The following RTN4 variants were observed in gnomAD, a reference collection of about 807,000 sequenced individuals.
The protein encoded by RTN4 is reticulon-4.
A neutral mutation model predicts 90.4 loss-of-function variants in RTN4; 32 were observed. The ratio of observed to expected loss-of-function variants is 0.35; its 90% CI spans 0.27 to 0.48. The LOEUF (loss-of-function observed/expected upper bound fraction) is 0.48. RTN4 is among the 20% of genes least tolerant of loss of function. The pLI is 0.99. For missense variants in RTN4, 1,706 were observed against 1,430.2 expected (o/e 1.19, Z -3.11); for synonymous variants, 629 against 552.5 (o/e 1.14, Z -1.94).
intron 1 of RTN4, among the ~76,000 whole-genome samples, chr2:55,090,618 T>C (rs1668919385): frequency 6.6e-6 from 1 of 152,162 alleles, no homozygotes. Flanking sequence ...GAGAATTCCA[T>C]GAAATATGGA....
At chr2:55,112,134 G>A (rs1184011868) in intron 1 of RTN4, among the ~76,000 whole-genome samples, 1 of 152,208 alleles carries the variant, frequency 6.6e-6, no homozygotes, top group African/African-American at 2.4e-5. Context: ...CCCTGTGGGG[G>A]AGCGTGTTCA....
At chr2:54,985,862 T>C (rs556504695) in intron 4 of RTN4, among the ~76,000 whole-genome samples, 3 of 152,252 alleles carry the variant, frequency 2.0e-5, no homozygotes, top group Non-Finnish European at 4.4e-5. Context: ...TTTCCTTTGT[T>C]TCCCCTACTT....
chr2:55,049,909 G>A lies in RTN4; in HGVS notation c.392C>T (p.Ser131Phe), dbSNP rs1306275148. The A allele has an allele frequency of 2.3e-6, 3 of 1,332,252 alleles. No individual in the cohort carries two copies. In the East Asian group the frequency reaches 9.3e-5, roughly 41 times the overall value. The allele number at this position is 1,332,252 out of a possible 1,614,324, so 82.5% of individuals were successfully genotyped here. A position where few individuals can be genotyped will look rare whatever the true frequency, so the allele number is the denominator to read the frequency against. ...AGGCTCGTCGTCCTCAGGGAGCTTG[G>A]AGGGCGAGACTGCGGCAGCAGACAG... ...SPLSAAAVSP[S>F]KLPEDDEPPA... Residue 131 changes from serine to phenylalanine, a missense_variant, in exon 1 of 9, where the codon TCC (serine) becomes TTC (phenylalanine). Transcript: ENST00000337526.
the RTN4 span, among the ~76,000 whole-genome samples, chr2:55,129,315 T>C: frequency 1.6e-3 from 249 of 152,204 alleles, no homozygotes; most frequent in African/African-American, 5.8e-3. Context: ...GACTCACACC[T>C]GTAATCCCAG....
chr2:55,091,792 T>G (rs1403343480), intron 1 of RTN4, among the ~76,000 whole-genome samples: 2 of 152,112 alleles, frequency 1.3e-5, no homozygotes. Context: ...TGGGGAGGCC[T>G]CAGAATCATG....
chr2:54,975,656 C>T (rs1381422706), intron 5 of RTN4, among the ~76,000 whole-genome samples: 1 of 152,232 alleles, frequency 6.6e-6, no homozygotes, highest in Non-Finnish European at 1.5e-5. Context: ...CCCAAACAAG[C>T]AGTGGTTTGC....
the RTN4 span, among the ~76,000 whole-genome samples, chr2:55,131,488 GTGAGCTACTGCAC>G: frequency 1.4e-4 from 22 of 152,254 alleles, no homozygotes; most frequent in Non-Finnish European, 2.9e-4. Flanking sequence ...GATTACAGAC[GTGAGCTACTGCAC>G]CCAGCCTAAA....
chr2:55,117,123 C>T (rs1375317676), upstream of RTN4, among the ~76,000 whole-genome samples: 1 of 152,194 alleles, frequency 6.6e-6, no homozygotes, highest in Non-Finnish European at 1.5e-5. Context: ...ATCCACCTGC[C>T]TTGGCCTCCC....
Position 55,019,219 on chromosome 2 carries a change from C to G in RTN4, c.3013+5867G>C, listed in dbSNP as rs568714380. ...CATTAATGGAAATGGAGGTCTGCTG[C>G]TTAAACAGGAATGCTGAGGGTCAAA... On this transcript the variant is annotated intron_variant, in intron 3 of 8. Transcript: ENST00000337526. Among the ~76,000 whole-genome samples the G allele has an allele frequency of 2.0e-4, 30 of 152,242 alleles. No homozygotes were observed. In the South Asian group the frequency reaches 2.7e-3, roughly 14 times the overall value.
intron 5 of RTN4, among the ~76,000 whole-genome samples, chr2:54,980,710 T>C (rs190167149): frequency 2.2e-4 from 33 of 152,328 alleles, no homozygotes; most frequent in Non-Finnish European, 2.4e-4. Flanking sequence ...CTTTGACTAC[T>C]AAATTCAGAG....
intron 1 of RTN4, among the ~76,000 whole-genome samples, chr2:55,110,310 CAAA>C (rs11289091): frequency 3.8e-4 from 37 of 96,196 alleles, no homozygotes; most frequent in Non-Finnish European, 3.2e-4. Context: ...GACCCTGTCT[CAAA>C]AAAAAAAAAA....
chr2:55,093,477 G>T (rs536361813), intron 1 of RTN4, among the ~76,000 whole-genome samples: 3 of 151,462 alleles, frequency 2.0e-5, no homozygotes, highest in Non-Finnish European at 2.9e-5. Context: ...CTCCTGTTAC[G>T]CCAGAAAGGT....
intron 2 of RTN4, among the ~76,000 whole-genome samples, chr2:55,071,775 G>A (rs1573497966): frequency 1.3e-5 from 2 of 152,106 alleles, no homozygotes; most frequent in Admixed American, 1.3e-4. Context: ...TCTTTTTAGA[G>A]ATTCTATGGA....
chr2:55,053,059 G>A (rs1668125468), upstream of RTN4, among the ~76,000 whole-genome samples: 1 of 152,154 alleles, frequency 6.6e-6, no homozygotes, highest in Non-Finnish European at 1.5e-5. Flanking sequence ...GGAAATAGCA[G>A]TTAATATTGA....
the RTN4 span, among the ~76,000 whole-genome samples, chr2:55,127,348 A>T: frequency 2.6e-5 from 4 of 152,202 alleles, no homozygotes; most frequent in Non-Finnish European, 5.9e-5. Context: ...GGCAGCTTTC[A>T]TAAGAGCACA....
chr2:55,004,198 T>A (rs1342157780), intron 3 of RTN4, among the ~76,000 whole-genome samples: 1 of 152,184 alleles, frequency 6.6e-6, no homozygotes, highest in Non-Finnish European at 1.5e-5. Context: ...TGCCTGCCTT[T>A]TTTATTGCAG....
intron 1 of RTN4, among the ~76,000 whole-genome samples, chr2:55,037,230 G>A (rs1431376786): frequency 4.6e-5 from 7 of 152,280 alleles, no homozygotes; most frequent in African/African-American, 1.4e-4. Context: ...AATTACAGAT[G>A]ATCTAAACAA....
At chr2:55,131,892 A>C in the RTN4 span, among the ~76,000 whole-genome samples, 1 of 152,182 alleles carries the variant, frequency 6.6e-6, no homozygotes, top group Non-Finnish European at 1.5e-5. Flanking sequence ...TCAAAAAAAT[A>C]ATAAAATCTG....
intron 1 of RTN4, among the ~76,000 whole-genome samples, chr2:55,107,664 G>A (rs538821806): frequency 9.9e-5 from 15 of 152,196 alleles, no homozygotes; most frequent in Admixed American, 3.3e-4. Flanking sequence ...AGCAGAGATG[G>A]TAGTCAGGCT....
Sources: allele counts gnomAD v4.1 joint callset (sites outside exome capture counted in the v4.1 genomes callset), GRCh38; gene constraint gnomAD v4.1.1; transcripts MANE v1.5; gene names NCBI Gene and HGNC (gene_info 2026-07-23, HGNC 2026-07-21).